The following CLASP1 variants were observed in gnomAD, a reference collection of about 807,000 sequenced individuals.
CLASP1 encodes the protein cytoplasmic linker associated protein 1.
CLASP1 carries 38 observed loss-of-function variants against 192.3 expected under a neutral mutation model. That is an observed-to-expected ratio of 0.20 (90% CI 0.15 to 0.26). The LOEUF (loss-of-function observed/expected upper bound fraction) is 0.26, where lower values mean the gene tolerates loss of function less well. Among genes scored for constraint, CLASP1 ranks in the 10% least tolerant of loss-of-function variants. The pLI is 1.00. For missense variants in CLASP1, 1,433 were observed against 1,932.5 expected, an observed-to-expected ratio of 0.74 and a Z score of 4.85; for synonymous variants, 691 against 712.8, an observed-to-expected ratio of 0.97 and a Z score of 0.49.
chr2:121,605,912 A>G (rs1404629402), exon 2 of CLASP1: 1 of 1,611,372 alleles, frequency 6.2e-7, no homozygotes, highest in South Asian at 1.1e-5. Context: ...ATTCAAATCC[A>G]GATCCAGCAA....
chr2:121,445,370 T>C lies in CLASP1; in HGVS notation c.1912+1967A>G, dbSNP rs1264400736. On this transcript the variant is annotated intron_variant, in intron 19 of 39. Coordinates refer to ENST00000263710, the Ensembl canonical transcript of CLASP1. ...GAGTTACCCAAAAGGCAGAGCCAAGTAAGAAGCTCAGAGAAGCTTGCTCTA... is the reference window on the plus strand; with the variant it reads ...GAGTTACCCAAAAGGCAGAGCCAAGCAAGAAGCTCAGAGAAGCTTGCTCTA... 8 of 861,028 alleles carry C rather than the reference T, an allele frequency of 9.3e-6. No homozygotes were observed. In the African/African-American group the frequency reaches 1.4e-4, roughly 15 times the overall value. 53.3% of individuals were successfully genotyped at this position (861,028 alleles called of 1,614,324 possible). A position where few individuals can be genotyped will look rare whatever the true frequency, so the allele number is the denominator to read the frequency against.
intron 1 of CLASP1, among the ~76,000 whole-genome samples, chr2:121,615,619 A>C (rs574756179): frequency 6.6e-6 from 1 of 152,168 alleles, no homozygotes; most frequent in East Asian, 1.9e-4. Context: ...TCCTGTCTCC[A>C]CTAAAAATAT....
chr2:121,392,348 A>G (rs913439289), intron 30 of CLASP1, among the ~76,000 whole-genome samples: 1 of 152,268 alleles, frequency 6.6e-6, no homozygotes, highest in Non-Finnish European at 1.5e-5. Context: ...TCCATAAATA[A>G]CAGCAGCAGC....
chr2:121,627,255 T>A (rs1404422842), intron 1 of CLASP1, among the ~76,000 whole-genome samples: 1 of 152,194 alleles, frequency 6.6e-6, no homozygotes, highest in East Asian at 1.9e-4. Context: ...TTTTTGCAAC[T>A]TCTTGTGAAT....
chr2:121,435,018 C>T (rs965452314), intron 19 of CLASP1, among the ~76,000 whole-genome samples: 2 of 151,166 alleles, frequency 1.3e-5, no homozygotes, highest in Non-Finnish European at 2.9e-5. Context: ...TTTTAGATTT[C>T]TCTCTTTAAA....
intron 2 of CLASP1, chr2:121,530,839 T>A: frequency 1.5e-6 from 1 of 666,210 alleles, no homozygotes; most frequent in Non-Finnish European, 2.8e-6. Flanking sequence ...CCCTACCAGG[T>A]ATTGGCGCTT....
At chr2:121,439,588 T>C (rs2082914114) in intron 19 of CLASP1, among the ~76,000 whole-genome samples, 1 of 152,134 alleles carries the variant, frequency 6.6e-6, no homozygotes, top group African/African-American at 2.4e-5. Context: ...ATGTACCCAG[T>C]AGTCATTCAG....
At chr2:121,398,174 G>GA in intron 29 of CLASP1, 148 bp downstream of exon 30, 2 of 653,138 alleles carry the variant, frequency 3.1e-6, no homozygotes, top group Non-Finnish European at 5.3e-6. Flanking sequence ...TGAACCAAGA[G>GA]AAACAGGAAC....
intron 2 of CLASP1, among the ~76,000 whole-genome samples, chr2:121,600,517 C>T (rs2063671524): frequency 6.6e-6 from 1 of 152,132 alleles, no homozygotes; most frequent in Admixed American, 6.6e-5. Flanking sequence ...TCTTTCATTC[C>T]TTTGTAACCC....
At chr2:121,498,319 C>T (rs889240761) in intron 8 of CLASP1, among the ~76,000 whole-genome samples, 2 of 151,616 alleles carry the variant, frequency 1.3e-5, no homozygotes, top group Non-Finnish European at 2.9e-5. Context: ...CACCTCAGGG[C>T]CACCCCACCA....
chr2:121,459,948 A>G, intron 12 of CLASP1, 32 bp downstream of exon 12: 1 of 1,582,288 alleles, frequency 6.3e-7, no homozygotes, highest in Non-Finnish European at 8.6e-7. Context: ...ACACTATTTT[A>G]TGGTGAGAAT....
intron 2 of CLASP1, among the ~76,000 whole-genome samples, chr2:121,532,067 A>G (rs1159743104): frequency 2.0e-5 from 3 of 152,190 alleles, no homozygotes; most frequent in Non-Finnish European, 2.9e-5. Context: ...TCTTGTATAC[A>G]GCCTGTGCCT....
At chr2:121,367,860 T>G (rs1363014213) in intron 34 of CLASP1, 29 bp from the exon 36 acceptor site, 1 of 1,606,460 alleles carries the variant, frequency 6.2e-7, no homozygotes, top group Non-Finnish European at 8.5e-7. Flanking sequence ...TCAGTTCCCT[T>G]CTGGGACTTG....
chr2:121,483,519 T>C (rs965192338), intron 8 of CLASP1, among the ~76,000 whole-genome samples: 1 of 151,650 alleles, frequency 6.6e-6, no homozygotes, highest in Non-Finnish European at 1.5e-5. Context: ...TATGTATATA[T>C]GTGTGTGTAT....
At chr2:121,606,143 T>C (rs902746187) in exon 2 of CLASP1, 14 of 521,762 alleles carry the variant, frequency 2.7e-5, no homozygotes, top group Non-Finnish European at 4.7e-5. Flanking sequence ...GATGTTCTAC[T>C]ACTGGGTCTG....
At chr2:121,342,556 T>C (rs1009152678) in intron 39 of CLASP1, among the ~76,000 whole-genome samples, 1 of 152,216 alleles carries the variant, frequency 6.6e-6, no homozygotes, top group African/African-American at 2.4e-5. Flanking sequence ...CCTAAACTTT[T>C]ATCTTAAGGA....
chr2:121,423,243 T>C (rs2079817472), intron 22 of CLASP1, among the ~76,000 whole-genome samples: 1 of 152,160 alleles, frequency 6.6e-6, no homozygotes. Context: ...TCCCTTTAAT[T>C]AGCATCAAGG....
At position 121,499,932 on chromosome 2, in the gene CLASP1, G is replaced by A. The variant is rs146574402; in HGVS notation, c.712+3235C>T. The stretch of plus-strand genomic sequence containing the variant: ...TTAGCACCTAGGATAGGAACCAGAC[G>A]AGGATGTCCTGTCTCACCACTCTTA... On this transcript the variant is annotated intron_variant, in intron 8 of 39. Transcript: ENST00000263710. Among the ~76,000 whole-genome samples the A allele has an allele frequency of 8.0e-4, 122 of 152,206 alleles. 1 individual carries two copies. Among genetic ancestry groups the A allele is most frequent in the African/African-American group, 2.5e-3 (104 of 41,524 alleles).
intron 16 of CLASP1, among the ~76,000 whole-genome samples, chr2:121,450,610 G>A (rs1328129180): frequency 6.6e-6 from 1 of 152,152 alleles, no homozygotes; most frequent in East Asian, 1.9e-4. Context: ...TTACAATATG[G>A]CTTAATGAGT....
Sources: allele counts gnomAD v4.1 joint callset (sites outside exome capture counted in the v4.1 genomes callset), GRCh38; gene constraint gnomAD v4.1.1; transcripts MANE v1.5; gene names NCBI Gene and HGNC (gene_info 2026-07-23, HGNC 2026-07-21).